NBAS: variants seen among roughly 807,000 people sequenced by gnomAD.
NBAS encodes NAG/BC035112 fusion.
Under a neutral mutation model 302.5 loss-of-function variants are expected in NBAS, and 219 were observed. That is an observed-to-expected ratio of 0.72 (90% CI 0.65 to 0.81). The LOEUF (loss-of-function observed/expected upper bound fraction) is 0.81. Ranked by LOEUF, NBAS falls within the 30% of genes least tolerant of loss-of-function variation. NBAS has a pLI of 0.00. For synonymous variants in NBAS, 1,118 were observed against 1,021.6 expected, an observed-to-expected ratio of 1.09 and a Z score of -1.80; for missense variants, 2,932 against 2,841.6, an observed-to-expected ratio of 1.03 and a Z score of -0.72.
At chr2:14,797,934 T>C in the NBAS span, among the ~76,000 whole-genome samples, 1 of 152,224 alleles carries the variant, frequency 6.6e-6, no homozygotes, top group Non-Finnish European at 1.5e-5. Flanking sequence ...ATATTAATTT[T>C]TGTATACTGA....
At chr2:15,453,527 G>C (rs1679114894) in intron 21 of NBAS, among the ~76,000 whole-genome samples, 1 of 152,132 alleles carries the variant, frequency 6.6e-6, no homozygotes, top group Admixed American at 6.5e-5. Context: ...TAGCCTTACT[G>C]ATAAGCCATA....
At chr2:15,086,335 AC>A in the NBAS span, among the ~76,000 whole-genome samples, 1 of 151,928 alleles carries the variant, frequency 6.6e-6, no homozygotes, top group Non-Finnish European at 1.5e-5. Context: ...GGAAGGAGCT[AC>A]CCCCTATTGG....
In NBAS at chr2:15,417,584, G is replaced by A; in HGVS notation, c.2706C>T (p.Thr902=). Residue 902 remains threonine, a synonymous_variant, in exon 24 of 52, where the codon ACC becomes ACT. Transcript: ENST00000281513. ...CTTTCATCTGCTGGAGTTCTTTCAG[G>A]GTTAGAGTTACATCACACCTGGCTT... is the stretch of plus-strand genomic sequence containing the variant. ...VYEARCDVTL[T]LKELQQMKDI... 1.2e-6 allele frequency: 2 copies of A among 1,613,814 alleles called. No individual in the cohort carries two copies. The highest frequency in any genetic ancestry group is 1.7e-6 in the Non-Finnish European group (2 of 1,179,894).
intron 40 of NBAS, among the ~76,000 whole-genome samples, chr2:15,296,440 C>T (rs1338086244): frequency 6.6e-6 from 1 of 152,002 alleles, no homozygotes; most frequent in Non-Finnish European, 1.5e-5. Flanking sequence ...GTAGGAGAAT[C>T]ACTTTAACCT....
chr2:14,810,594 A>G, the NBAS span, among the ~76,000 whole-genome samples: 3 of 152,182 alleles, frequency 2.0e-5, no homozygotes, highest in East Asian at 3.9e-4. Context: ...CAGCACAAAA[A>G]CTAATACAGC....
In NBAS at chr2:15,292,728, A is replaced by C; in HGVS notation, c.4836T>G (p.His1612Gln). Residue 1612 changes from histidine to glutamine, a missense_variant, in exon 41 of 52, where the codon CAT (histidine) becomes CAG (glutamine). Coordinates refer to ENST00000281513, the MANE Select transcript of NBAS (RefSeq NM_015909.4). ...AGGCTTCGTGCTCATGTCGAGTCAC[A>C]TGCCTGGTGACCATCTTGATTAGTT... The part of the protein sequence containing the change: ...PKELIKMVTR[H>Q]VTRHEHEAWP... The C allele has an allele frequency of 1.2e-6, 2 of 1,614,242 alleles. No individual in the cohort carries two copies. Among genetic ancestry groups the C allele is most frequent in the South Asian group, 1.1e-5 (1 of 91,082 alleles).
chr2:15,511,189 G>GA (rs776669180), intron 10 of NBAS, 23 bp downstream of exon 10: 1 of 1,613,708 alleles, frequency 6.2e-7, no homozygotes, highest in South Asian at 1.1e-5. Context: ...ATAGCAAAGT[G>GA]AAGTGCCATA....
At chr2:14,893,232 T>C in the NBAS span, among the ~76,000 whole-genome samples, 1 of 152,222 alleles carries the variant, frequency 6.6e-6, no homozygotes, top group Non-Finnish European at 1.5e-5. Flanking sequence ...TACAAACATT[T>C]TTATTCCCTC....
chr2:14,906,415 T>A, the NBAS span, among the ~76,000 whole-genome samples: 3 of 152,022 alleles, frequency 2.0e-5, no homozygotes, highest in African/African-American at 4.8e-5. Context: ...CATTGACCCC[T>A]CAGTCTGTTC....
intron 48 of NBAS, among the ~76,000 whole-genome samples, chr2:15,192,824 AGT>A (rs1202722258): frequency 6.6e-6 from 1 of 152,244 alleles, no homozygotes; most frequent in African/African-American, 2.4e-5. Flanking sequence ...CAGCATAGTT[AGT>A]AACAAGTAGT....
At chr2:15,205,421 C>A (rs1666092723) in intron 48 of NBAS, among the ~76,000 whole-genome samples, 1 of 151,920 alleles carries the variant, frequency 6.6e-6, no homozygotes, top group South Asian at 2.1e-4. Context: ...TCAATAATAA[C>A]CTTGAATGAA....
chr2:14,812,130 A>G, the NBAS span, among the ~76,000 whole-genome samples: 2 of 152,240 alleles, frequency 1.3e-5, no homozygotes. Context: ...ACTAGCCACT[A>G]GTGCATAGCT....
chr2:15,467,527 A>G (rs1376942715), intron 18 of NBAS, 120 bp from the exon 19 acceptor site: 1 of 1,284,080 alleles, frequency 7.8e-7, no homozygotes, highest in Non-Finnish European at 1.1e-6. Flanking sequence ...TCAGAAAAGC[A>G]CAAGGGTAAG....
the NBAS span, among the ~76,000 whole-genome samples, chr2:14,865,348 A>T: frequency 6.6e-6 from 1 of 152,002 alleles, no homozygotes; most frequent in South Asian, 2.1e-4. Context: ...GGGGGTGGGG[A>T]GTCTAGAGGG....
intron 44 of NBAS, among the ~76,000 whole-genome samples, chr2:15,265,606 A>G (rs916881919): frequency 6.6e-6 from 1 of 152,174 alleles, no homozygotes; most frequent in Non-Finnish European, 1.5e-5. Context: ...GGTAACAACA[A>G]AGCAGCAGCA....
At position 15,341,506 on chromosome 2, in the gene NBAS, T is replaced by C. The variant is rs572890558; in HGVS notation, c.4179+10486A>G. Among the ~76,000 whole-genome samples the C allele has an allele frequency of 3.9e-5, 6 of 152,226 alleles. No homozygotes were observed. The East Asian group carries it at 9.7e-4, about 24-fold the overall frequency. ...CTTGAATGTCTTATTTTTTGGAAAATGTCTTTTGCAAATGAATTTAAATAG... is the reference window on the plus strand; with the variant it reads ...CTTGAATGTCTTATTTTTTGGAAAACGTCTTTTGCAAATGAATTTAAATAG... On this transcript the variant is annotated intron_variant, in intron 35 of 51. Transcript: ENST00000281513.
the NBAS span, among the ~76,000 whole-genome samples, chr2:14,991,121 C>T: frequency 1.3e-5 from 2 of 152,052 alleles, no homozygotes; most frequent in Non-Finnish European, 2.9e-5. Context: ...AGGGCCAACC[C>T]TGGTGTGCAC....
the NBAS span, among the ~76,000 whole-genome samples, chr2:14,958,647 A>C: frequency 6.6e-6 from 1 of 152,212 alleles, no homozygotes; most frequent in African/African-American, 2.4e-5. Flanking sequence ...ATTTCTCTTA[A>C]AGATGTTTAT....
chr2:14,987,715 CATGAAGGGAATAAAGCTATGCTACCCATA>C, the NBAS span, among the ~76,000 whole-genome samples: 1 of 152,036 alleles, frequency 6.6e-6, no homozygotes, highest in Non-Finnish European at 1.5e-5. Flanking sequence ...ACTCGGAAAG[CATGAAGGGAATAAAGCTATGCTACCCATA>C]ATCTTACCTC....
Sources: gnomAD v4.1 joint callset for allele counts (sites outside exome capture counted in the v4.1 genomes callset) on GRCh38, gnomAD v4.1.1 for gene constraint, MANE v1.5 for transcripts, NCBI Gene and HGNC (gene_info 2026-07-23, HGNC 2026-07-21) for gene names.